The following ATPAF1 variants were observed in gnomAD, a reference collection of about 807,000 sequenced individuals.
ATPAF1 encodes homolog of yeast ATP11.
In ATPAF1, 26 loss-of-function variants were observed where a neutral mutation model predicts 43.9. The observed-to-expected ratio is 0.59, with a 90% confidence interval of 0.43 to 0.82. ATPAF1 has a LOEUF of 0.82. Ranked by LOEUF, ATPAF1 falls within the 40% of genes least tolerant of loss-of-function variation. The probability of loss-of-function intolerance (pLI) is 0.00; values close to 1 mark genes in which losing one functional copy is unlikely to be tolerated. For missense variants in ATPAF1, 366 were observed against 435.0 expected (o/e 0.84, Z 1.41); for synonymous variants, 157 against 168.0 (o/e 0.93, Z 0.50).
chr1:46,645,018 A>C, intron 7 of ATPAF1, 143 bp downstream of exon 7: 1 of 702,392 alleles, frequency 1.4e-6, no homozygotes, highest in Non-Finnish European at 2.3e-6. Context: ...AGTCCAACAC[A>C]AAAAGTATGA....
At chr1:46,659,879 G>C (rs993943263) in intron 2 of ATPAF1, among the ~76,000 whole-genome samples, 1 of 152,106 alleles carries the variant, frequency 6.6e-6, no homozygotes, top group Admixed American at 6.6e-5. Flanking sequence ...ACACCCTTTA[G>C]TCTTTTTGGT....
intron 2 of ATPAF1, chr1:46,663,981 G>C: frequency 4.7e-6 from 5 of 1,061,704 alleles, no homozygotes; most frequent in Non-Finnish European, 6.2e-6. Flanking sequence ...ATTGTGATCA[G>C]AGTTTTTTAA....
chr1:46,645,275 C>T lies in ATPAF1; in HGVS notation c.589-19G>A. ...ATAGAAACTGTGAAAAACAGATATACAAGGAGACAGATGAATAAATGAAAT... is the reference window on the plus strand; with the variant it reads ...ATAGAAACTGTGAAAAACAGATATATAAGGAGACAGATGAATAAATGAAAT... On this transcript the variant is annotated intron_variant, in intron 6 of 8. Transcript: ENST00000574428. 1 of 1,554,118 alleles carries T rather than the reference C, an allele frequency of 6.4e-7. No individual in the cohort carries two copies. Among genetic ancestry groups the T allele is most frequent in the Non-Finnish European group, 8.9e-7 (1 of 1,126,160 alleles).
At chr1:46,636,713 G>A (rs888536107) in intron 8 of ATPAF1, among the ~76,000 whole-genome samples, 1 of 150,962 alleles carries the variant, frequency 6.6e-6, no homozygotes, top group African/African-American at 2.4e-5. Context: ...GCCTGTCTGG[G>A]TAATGTAGTG....
intron 2 of ATPAF1, 89 bp downstream of exon 2, chr1:46,665,167 T>C (rs1215553022): frequency 3.1e-6 from 4 of 1,279,584 alleles, no homozygotes; most frequent in Non-Finnish European, 4.5e-6. Context: ...AGCTGACCCA[T>C]CAATAAACCA....
At chr1:46,634,228 G>A (rs973742241), downstream of ATPAF1, 2 of 216,560 alleles carry the variant, frequency 9.2e-6, no homozygotes, top group African/African-American at 4.7e-5. Flanking sequence ...CACACAAACT[G>A]CGAATACTGC....
chr1:46,655,661 CCTTT>C (rs778465586), intron 4 of ATPAF1, among the ~76,000 whole-genome samples: 5 of 152,006 alleles, frequency 3.3e-5, no homozygotes, highest in Non-Finnish European at 4.4e-5. Flanking sequence ...TTTTTTACTA[CCTTT>C]TTTTTGCCTT....
chr1:46,659,717 C>T (rs1337770846), intron 2 of ATPAF1, among the ~76,000 whole-genome samples: 1 of 152,174 alleles, frequency 6.6e-6, no homozygotes, highest in East Asian at 1.9e-4. Context: ...CTGTGCTTCT[C>T]AGAAGTACAT....
chr1:46,651,610 C>T (rs1676171273), intron 6 of ATPAF1, among the ~76,000 whole-genome samples: 1 of 151,868 alleles, frequency 6.6e-6, no homozygotes, highest in Non-Finnish European at 1.5e-5. Flanking sequence ...GTTTACAGTC[C>T]CACCAACAGT....
intron 4 of ATPAF1, among the ~76,000 whole-genome samples, chr1:46,654,528 T>TTAA (rs1553218333): frequency 1.5e-5 from 2 of 135,282 alleles, no homozygotes; most frequent in African/African-American, 6.0e-5. Flanking sequence ...TATTTATTTA[T>TTAA]TTATTATTAT....
chr1:46,657,675 A>G (rs908179662), intron 4 of ATPAF1, among the ~76,000 whole-genome samples: 1 of 152,198 alleles, frequency 6.6e-6, no homozygotes. Context: ...TCCAAGTCCT[A>G]TAGATAGTGG....
chr1:46,650,885 T>G (rs647999), intron 6 of ATPAF1, among the ~76,000 whole-genome samples: 61,155 of 151,598 alleles, frequency 0.4, 14,195 homozygotes, highest in East Asian at 0.78. Context: ...ATAGCCAAAG[T>G]TTGGTTAAGG....
At chr1:46,663,959 T>C (rs1226007824) in intron 2 of ATPAF1, 2 of 1,199,936 alleles carry the variant, frequency 1.7e-6, no homozygotes, top group East Asian at 5.7e-5. Context: ...GGTTGTGAAA[T>C]ACATTTAGTG....
chr1:46,633,499 C>A, downstream of ATPAF1: 1 of 332,520 alleles, frequency 3.0e-6, no homozygotes, highest in Non-Finnish European at 5.7e-6. Flanking sequence ...AACATATGAA[C>A]CCAGATTCAC....
chr1:46,645,314 T>G (rs1676022574), intron 6 of ATPAF1, 58 bp from the exon 7 acceptor site: 8 of 1,300,222 alleles, frequency 6.2e-6, no homozygotes, highest in Non-Finnish European at 8.9e-6. Flanking sequence ...TTGCTCTATA[T>G]CCAACCACCT....
At chr1:46,655,320 GTGGAAGAGATAAGGTCTGT>G (rs1452609725) in intron 4 of ATPAF1, among the ~76,000 whole-genome samples, 3 of 152,180 alleles carry the variant, frequency 2.0e-5, no homozygotes, top group Non-Finnish European at 4.4e-5. Flanking sequence ...TCTTCTACAT[GTGGAAGAGATAAGGTCTGT>G]TGGATCTGAC....
intron 5 of ATPAF1, 63 bp from the exon 6 acceptor site, chr1:46,652,691 A>G: frequency 7.2e-7 from 1 of 1,380,230 alleles, no homozygotes; most frequent in East Asian, 2.4e-5. Flanking sequence ...CCACTATCAC[A>G]TGTAATTCAC....
intron 8 of ATPAF1, among the ~76,000 whole-genome samples, chr1:46,637,330 T>C (rs181221218): frequency 9.2e-5 from 14 of 152,188 alleles, no homozygotes; most frequent in African/African-American, 2.4e-4. Context: ...CACTGAGCTA[T>C]GGTCATGCCA....
At chr1:46,647,907 A>G (rs773669857) in intron 6 of ATPAF1, among the ~76,000 whole-genome samples, 1 of 152,202 alleles carries the variant, frequency 6.6e-6, no homozygotes, top group Non-Finnish European at 1.5e-5. Flanking sequence ...GCTGTCAAGC[A>G]TATTTTCAGG....
Sources: gnomAD v4.1 joint callset for allele counts (sites outside exome capture counted in the v4.1 genomes callset) on GRCh38, gnomAD v4.1.1 for gene constraint, MANE v1.5 for transcripts, NCBI Gene and HGNC (gene_info 2026-07-23, HGNC 2026-07-21) for gene names.